ROBO2: variants seen among roughly 807,000 people sequenced by gnomAD.
ROBO2 encodes roundabout homolog 2.
ROBO2 carries 53 observed loss-of-function variants against 160.8 expected under a neutral mutation model. That is an observed-to-expected ratio of 0.33 (90% CI 0.26 to 0.41). The LOEUF (loss-of-function observed/expected upper bound fraction) is 0.41. Among genes scored for constraint, ROBO2 ranks in the 10% least tolerant of loss-of-function variants. The pLI, the probability that ROBO2 is intolerant of heterozygous loss-of-function variation, is 1.00. For synonymous variants in ROBO2, 664 were observed against 611.7 expected, an observed-to-expected ratio of 1.09 and a Z score of -1.26; for missense variants, 1,577 against 1,722.4, an observed-to-expected ratio of 0.92 and a Z score of 1.49.
At chr3:76,662,051 A>C (rs748380180) in intron 2 of ROBO2, among the ~76,000 whole-genome samples, 20 of 152,264 alleles carry the variant, frequency 1.3e-4, no homozygotes, top group Admixed American at 2.6e-4. Flanking sequence ...TGTTAACGCT[A>C]GTGAGTTATG....
intron 19 of ROBO2, among the ~76,000 whole-genome samples, chr3:77,600,722 T>G (rs9309776): frequency 0.12 from 18,794 of 152,092 alleles, 1,237 homozygotes; most frequent in Admixed American, 0.16. Context: ...TTGTGACCAA[T>G]TTGGATATAC....
At chr3:76,692,829 T>C (rs1183627914) in intron 2 of ROBO2, among the ~76,000 whole-genome samples, 1 of 151,956 alleles carries the variant, frequency 6.6e-6, no homozygotes, top group Non-Finnish European at 1.5e-5. Context: ...TAGAGAAATG[T>C]ATTATTCAGG....
chr3:75,993,288 G>A (rs1030282365), intron 2 of ROBO2, among the ~76,000 whole-genome samples: 2 of 152,146 alleles, frequency 1.3e-5, no homozygotes, highest in Admixed American at 6.5e-5. Flanking sequence ...AATCATGGGG[G>A]TGGATCTTTC....
chr3:77,414,304 G>A (rs1331254095), intron 2 of ROBO2, among the ~76,000 whole-genome samples: 1 of 152,204 alleles, frequency 6.6e-6, no homozygotes, highest in Non-Finnish European at 1.5e-5. Flanking sequence ...TTTTCCTGGA[G>A]TGGTACAAGG....
At chr3:76,493,695 G>A (rs1429047227) in intron 2 of ROBO2, among the ~76,000 whole-genome samples, 1 of 151,936 alleles carries the variant, frequency 6.6e-6, no homozygotes, top group East Asian at 1.9e-4. Context: ...CCGTTCCCAA[G>A]CTAGTAAAGC....
intron 2 of ROBO2, among the ~76,000 whole-genome samples, chr3:76,850,097 G>C (rs1214167302): frequency 6.6e-6 from 1 of 152,138 alleles, no homozygotes; most frequent in Non-Finnish European, 1.5e-5. Flanking sequence ...TGAGGCAGGA[G>C]AATCACTTGA....
At chr3:77,166,784 C>T (rs1016452382) in intron 2 of ROBO2, among the ~76,000 whole-genome samples, 3 of 152,140 alleles carry the variant, frequency 2.0e-5, no homozygotes, top group East Asian at 1.9e-4. Context: ...TGGTCTCGAT[C>T]TCCTGACCTC....
intron 4 of ROBO2, among the ~76,000 whole-genome samples, chr3:77,490,797 T>C (rs561289893): frequency 1.4e-4 from 22 of 152,354 alleles, no homozygotes; most frequent in African/African-American, 5.3e-4. Context: ...CTTTTCACCC[T>C]ATGCGTCTGA....
intron 2 of ROBO2, among the ~76,000 whole-genome samples, chr3:76,331,323 C>A (rs2073467261): frequency 6.6e-6 from 1 of 152,122 alleles, no homozygotes; most frequent in Non-Finnish European, 1.5e-5. Context: ...TCACATGAGG[C>A]ACACCTTGCT....
intron 2 of ROBO2, among the ~76,000 whole-genome samples, chr3:77,029,864 T>C (rs189399834): frequency 1.5e-4 from 23 of 152,316 alleles, no homozygotes; most frequent in African/African-American, 5.5e-4. Context: ...GACTACTTTA[T>C]GAATAAGGTT....
chr3:76,510,602 T>C (rs891520037), intron 2 of ROBO2, among the ~76,000 whole-genome samples: 1 of 152,112 alleles, frequency 6.6e-6, no homozygotes. Flanking sequence ...CAGGCACCTT[T>C]AGTCCCAGCT....
intron 1 of ROBO2, among the ~76,000 whole-genome samples, chr3:75,922,964 T>G (rs1167875469): frequency 3.9e-5 from 6 of 152,206 alleles, no homozygotes; most frequent in Admixed American, 3.9e-4. Context: ...TTCTCAAAAC[T>G]ATACTGATAC....
chr3:77,522,631 A>T, intron 5 of ROBO2, 144 bp from the exon 6 acceptor site: 1 of 770,818 alleles, frequency 1.3e-6, no homozygotes, highest in Non-Finnish European at 2.1e-6. Flanking sequence ...TAATCTAAGT[A>T]ATTGCACTTT....
intron 2 of ROBO2, among the ~76,000 whole-genome samples, chr3:76,272,651 A>G (rs1707508678): frequency 1.1e-5 from 1 of 93,414 alleles, no homozygotes; most frequent in Non-Finnish European, 2.7e-5. Flanking sequence ...CGAAAGAGCG[A>G]GACCCTGTCT....
chr3:77,340,573 T>G (rs2066956757), intron 2 of ROBO2, among the ~76,000 whole-genome samples: 1 of 152,136 alleles, frequency 6.6e-6, no homozygotes, highest in Non-Finnish European at 1.5e-5. Context: ...TTTTCAGAAA[T>G]ATAATTCAGA....
chr3:77,505,073 T>C (rs2088274708), intron 5 of ROBO2, among the ~76,000 whole-genome samples: 1 of 152,226 alleles, frequency 6.6e-6, no homozygotes, highest in Non-Finnish European at 1.5e-5. Context: ...GGTTCTATTA[T>C]GAAACCCTTT....
At chr3:76,537,095 G>A (rs1012498994) in intron 2 of ROBO2, among the ~76,000 whole-genome samples, 8 of 152,198 alleles carry the variant, frequency 5.3e-5, no homozygotes, top group African/African-American at 1.9e-4. Context: ...TGTGGAAGGG[G>A]AGAGAGGTCA....
At chr3:76,228,862 A>T (rs1704451672) in intron 2 of ROBO2, among the ~76,000 whole-genome samples, 1 of 152,286 alleles carries the variant, frequency 6.6e-6, no homozygotes, top group African/African-American at 2.4e-5. Context: ...TCCTTAAAAA[A>T]TTAGTGGGGC....
chr3:76,078,588 C>T (rs190493126), intron 2 of ROBO2, among the ~76,000 whole-genome samples: 11 of 152,186 alleles, frequency 7.2e-5, no homozygotes, highest in African/African-American at 2.6e-4. Context: ...TGGTCTCAAA[C>T]TCCTGAACTC....
Sources: allele counts gnomAD v4.1 joint callset (sites outside exome capture counted in the v4.1 genomes callset), GRCh38; gene constraint gnomAD v4.1.1; transcripts MANE v1.5; gene names NCBI Gene and HGNC (gene_info 2026-07-23, HGNC 2026-07-21).